Variants in DPT observed in about 807,000 individuals in gnomAD.
The protein encoded by DPT is dermatopontin, also known as tyrosine-rich acidic matrix protein.
In DPT, 21 loss-of-function variants were observed where a neutral mutation model predicts 31.2. The observed-to-expected ratio is 0.67, with a 90% CI of 0.48 to 0.97. The LOEUF (loss-of-function observed/expected upper bound fraction) is 0.97. Among genes scored for constraint, DPT ranks in the 50% least tolerant of loss-of-function variants. The pLI is 0.00. For missense variants in DPT, 262 were observed against 258.8 expected (o/e 1.01, Z -0.08); for synonymous variants, 91 against 86.9 (o/e 1.05, Z -0.26).
intron 2 of DPT, among the ~76,000 whole-genome samples, chr1:168,703,412 T>C (rs761821394): frequency 2.6e-5 from 4 of 152,232 alleles, no homozygotes. Flanking sequence ...AAGGAAAATG[T>C]TATTTCATGC....
chr1:168,722,264 A>T (rs1650132528), intron 1 of DPT, among the ~76,000 whole-genome samples: 1 of 152,218 alleles, frequency 6.6e-6, no homozygotes, highest in Non-Finnish European at 1.5e-5. Flanking sequence ...AATGTAATAA[A>T]TATTCAAGAC....
intron 1 of DPT, among the ~76,000 whole-genome samples, chr1:168,728,413 T>G (rs1413195778): frequency 6.6e-6 from 1 of 152,234 alleles, no homozygotes. Context: ...TTATTTTTCT[T>G]GTTCCCAAAC....
intron 2 of DPT, among the ~76,000 whole-genome samples, chr1:168,703,944 C>T (rs1307100222): frequency 1.3e-5 from 2 of 152,158 alleles, no homozygotes; most frequent in Non-Finnish European, 2.9e-5. Context: ...CACACACACA[C>T]GCGCACAAAG....
chr1:168,698,914 C>T (rs970957564), intron 3 of DPT, among the ~76,000 whole-genome samples: 3 of 152,138 alleles, frequency 2.0e-5, no homozygotes, highest in Non-Finnish European at 4.4e-5. Context: ...CATTAAGCTA[C>T]TTATTTTTGA....
At chr1:168,717,613 T>C (rs1650012657) in intron 1 of DPT, among the ~76,000 whole-genome samples, 1 of 152,204 alleles carries the variant, frequency 6.6e-6, no homozygotes, top group South Asian at 2.1e-4. Flanking sequence ...TGGTGTTTTT[T>C]ATTATGAAGT....
intron 2 of DPT, among the ~76,000 whole-genome samples, chr1:168,702,612 C>CT (rs10656421): frequency 0.05 from 6,667 of 132,338 alleles, 448 homozygotes; most frequent in African/African-American, 0.14. Context: ...AGGTAAATGT[C>CT]TTTTTTTTTT....
At chr1:168,727,195 C>T (rs908349488) in intron 1 of DPT, among the ~76,000 whole-genome samples, 3 of 152,316 alleles carry the variant, frequency 2.0e-5, no homozygotes, top group South Asian at 4.1e-4. Context: ...CTCAGGAGCC[C>T]GTCACTGTGG....
At chr1:168,725,778 C>T (rs1173832484) in intron 1 of DPT, among the ~76,000 whole-genome samples, 5 of 152,276 alleles carry the variant, frequency 3.3e-5, no homozygotes, top group Admixed American at 1.3e-4. Context: ...GAAAGATTTT[C>T]TTTTTAGCAG....
intron 1 of DPT, among the ~76,000 whole-genome samples, chr1:168,720,586 G>T (rs1650079262): frequency 6.6e-6 from 1 of 152,136 alleles, no homozygotes; most frequent in South Asian, 2.1e-4. Context: ...TAATAGATGG[G>T]CTGGTTGTGC....
intron 2 of DPT, among the ~76,000 whole-genome samples, chr1:168,705,216 A>T (rs1649692790): frequency 1.3e-5 from 2 of 152,192 alleles, no homozygotes; most frequent in Non-Finnish European, 1.5e-5. Context: ...CCTTATTCGG[A>T]GCTAGACACT....
intron 1 of DPT, among the ~76,000 whole-genome samples, chr1:168,717,243 C>G (rs944548089): frequency 5.3e-5 from 8 of 152,288 alleles, no homozygotes; most frequent in African/African-American, 1.9e-4. Context: ...TAATAAACAC[C>G]ATTTTGACTG....
chr1:168,726,236 T>A (rs890968011), intron 1 of DPT, among the ~76,000 whole-genome samples: 2 of 152,190 alleles, frequency 1.3e-5, no homozygotes, highest in Non-Finnish European at 2.9e-5. Flanking sequence ...GGAAGAGGTA[T>A]CTCGCCTATC....
chr1:168,703,506 G>A (rs1272102936), intron 2 of DPT, among the ~76,000 whole-genome samples: 1 of 152,218 alleles, frequency 6.6e-6, no homozygotes, highest in Non-Finnish European at 1.5e-5. Context: ...GTTTGTCCGA[G>A]AAGCCTCTCC....
At chr1:168,716,415 C>G (rs1381006081) in intron 1 of DPT, among the ~76,000 whole-genome samples, 1 of 151,680 alleles carries the variant, frequency 6.6e-6, no homozygotes, top group African/African-American at 2.4e-5. Flanking sequence ...CTAGAAAACT[C>G]AGCTATAGGG....
intron 2 of DPT, among the ~76,000 whole-genome samples, chr1:168,709,320 T>G (rs942315840): frequency 5.3e-5 from 8 of 152,216 alleles, no homozygotes; most frequent in Admixed American, 5.2e-4. Flanking sequence ...GCAACTTCAG[T>G]GACATGTGTT....
chr1:168,711,920 G>T (rs1649874439), intron 2 of DPT, among the ~76,000 whole-genome samples: 1 of 152,186 alleles, frequency 6.6e-6, no homozygotes, highest in South Asian at 2.1e-4. Flanking sequence ...TCAGCACAAA[G>T]ATCTCTGCTT....
intron 2 of DPT, among the ~76,000 whole-genome samples, chr1:168,713,114 A>G (rs1649903334): frequency 1.3e-5 from 2 of 152,238 alleles, no homozygotes; most frequent in Admixed American, 6.5e-5. Flanking sequence ...CTCCACTGCA[A>G]GAGATCTTTA....
chr1:168,724,164 G>A (rs762267218), intron 1 of DPT, among the ~76,000 whole-genome samples: 35 of 152,160 alleles, frequency 2.3e-4, no homozygotes, highest in Non-Finnish European at 3.8e-4. Context: ...TTCATTCTGC[G>A]GCGGCAAAGT....
At chr1:168,703,818 A>G (rs1189731052) in intron 2 of DPT, among the ~76,000 whole-genome samples, 2 of 152,160 alleles carry the variant, frequency 1.3e-5, no homozygotes, top group African/African-American at 2.4e-5. Flanking sequence ...CCTCCCAAAC[A>G]CCATCCATAG....
Sources: gnomAD v4.1 joint callset for allele counts (sites outside exome capture counted in the v4.1 genomes callset) on GRCh38, gnomAD v4.1.1 for gene constraint, MANE v1.5 for transcripts, NCBI Gene and HGNC (gene_info 2026-07-23, HGNC 2026-07-21) for gene names.